SULF2: variants seen among roughly 807,000 people sequenced by gnomAD.
The protein encoded by SULF2 is extracellular sulfatase Sulf-2.
Under a neutral mutation model 107.7 loss-of-function variants are expected in SULF2, and 52 were observed. That is an observed-to-expected ratio of 0.48 (90% CI 0.39 to 0.61). SULF2 has a LOEUF of 0.61. SULF2 is among the 20% of genes least tolerant of loss of function. The pLI is 0.00. For missense variants in SULF2, 993 were observed against 1,177.3 expected (o/e 0.84, Z 2.29); for synonymous variants, 460 against 464.3 (o/e 0.99, Z 0.12).
chr20:47,710,084 T>C (rs2088878495), intron 3 of SULF2, among the ~76,000 whole-genome samples: 1 of 152,112 alleles, frequency 6.6e-6, no homozygotes, highest in Admixed American at 6.6e-5. Flanking sequence ...TAATTTTTAG[T>C]AGAGACCAGG....
intron 3 of SULF2, among the ~76,000 whole-genome samples, chr20:47,703,190 C>T (rs1287655278): frequency 1.3e-5 from 2 of 152,218 alleles, no homozygotes; most frequent in Non-Finnish European, 2.9e-5. Context: ...AGCCACCATA[C>T]CTGGCCTACT....
chr20:47,753,017 C>T (rs768535472), intron 2 of SULF2, among the ~76,000 whole-genome samples: 10 of 146,128 alleles, frequency 6.8e-5, no homozygotes, highest in Admixed American at 3.5e-4. Flanking sequence ...AGGAGAATCA[C>T]GTGAACCCAG....
chr20:47,670,371 T>G (rs1282696249), intron 11 of SULF2, among the ~76,000 whole-genome samples: 1 of 151,610 alleles, frequency 6.6e-6, no homozygotes, highest in Non-Finnish European at 1.5e-5. Context: ...TTTTGTATTT[T>G]TAGTAGACAC....
intron 3 of SULF2, among the ~76,000 whole-genome samples, chr20:47,716,044 C>CTTTA (rs2089110103): frequency 6.6e-6 from 1 of 152,086 alleles, no homozygotes; most frequent in Admixed American, 6.6e-5. Flanking sequence ...TGTGGATGTG[C>CTTTA]TTTATAAAAC....
At chr20:47,659,786 C>G (rs1433173715) in intron 18 of SULF2, 56 bp from the exon 19 acceptor site, 16 of 1,337,114 alleles carry the variant, frequency 1.2e-5, no homozygotes, top group Non-Finnish European at 1.7e-5. Context: ...GGCAAAACAA[C>G]CCCAACACAC....
At chr20:47,769,203 C>T (rs1205473290) in intron 1 of SULF2, among the ~76,000 whole-genome samples, 2 of 152,038 alleles carry the variant, frequency 1.3e-5, no homozygotes, top group Admixed American at 1.3e-4. Context: ...ACCACGCCCG[C>T]TAATTTTTTT....
rs1264389232 is a variant in SULF2 at position 47,757,340 on chromosome 20, C to T, written c.24G>A (p.Leu8=). The stretch of plus-strand genomic sequence containing the variant: ...AGAACACAGTTGCGGACAGCAAGCA[C>T]AGCACGAGGCTCGGGGGGCCCATCT... MGPPSLV[L]CLLSATVFSL... The change falls in exon 2 of 21, where the codon CTG becomes CTA. Residue 8 remains leucine (L), a synonymous_variant. Coordinates refer to ENST00000688720, the MANE Select transcript of SULF2 (RefSeq NM_001387048.1). 4 of 1,600,206 alleles carry T rather than the reference C, an allele frequency of 2.5e-6. No homozygotes were observed. The highest frequency in any genetic ancestry group is 1.1e-5 in the South Asian group (1 of 88,784).
At chr20:47,782,203 C>T (rs1345626677) in intron 1 of SULF2, among the ~76,000 whole-genome samples, 2 of 152,204 alleles carry the variant, frequency 1.3e-5, no homozygotes, top group Non-Finnish European at 2.9e-5. Flanking sequence ...CTCTCCCTTC[C>T]GGTCCATTCA....
intron 1 of SULF2, among the ~76,000 whole-genome samples, chr20:47,779,200 T>C (rs1190351267): frequency 6.6e-6 from 1 of 152,224 alleles, no homozygotes; most frequent in African/African-American, 2.4e-5. Context: ...GGTCATCCCG[T>C]ACATTGCAGG....
At chr20:47,674,582 T>A (rs1198267550) in intron 10 of SULF2, among the ~76,000 whole-genome samples, 3 of 152,210 alleles carry the variant, frequency 2.0e-5, no homozygotes, top group Non-Finnish European at 4.4e-5. Flanking sequence ...ATGACATGAA[T>A]TCTAGCCGGG....
At chr20:47,675,123 C>G (rs960184107) in intron 10 of SULF2, among the ~76,000 whole-genome samples, 1 of 152,294 alleles carries the variant, frequency 6.6e-6, no homozygotes, top group East Asian at 1.9e-4. Context: ...GGGGAGACAT[C>G]AGAAAGAACC....
chr20:47,740,542 G>A (rs2089853068), intron 2 of SULF2, among the ~76,000 whole-genome samples: 1 of 152,170 alleles, frequency 6.6e-6, no homozygotes, highest in Non-Finnish European at 1.5e-5. Flanking sequence ...GGAGCTCCAG[G>A]CAGGGGGTGG....
chr20:47,732,631 CAGG>C (rs67067765), intron 3 of SULF2, among the ~76,000 whole-genome samples: 37,772 of 151,956 alleles, frequency 0.25, 5,491 homozygotes, highest in Non-Finnish European at 0.34. Flanking sequence ...CGCTTGAGGT[CAGG>C]AGTTCGAGGT....
At chr20:47,785,263 G>C (rs1034626133) in intron 1 of SULF2, 80 bp downstream of exon 1, 2 of 148,120 alleles carry the variant, frequency 1.4e-5, no homozygotes, top group Admixed American at 1.3e-4. Context: ...GCTCACGCCG[G>C]GGAAGGCTCC....
At chr20:47,683,245 C>T (rs1245154440) in intron 6 of SULF2, 76 bp from the exon 7 acceptor site, 6 of 1,440,466 alleles carry the variant, frequency 4.2e-6, no homozygotes, top group Non-Finnish European at 5.6e-6. Context: ...GTGACAGGCG[C>T]TTGAGATCTC....
At chr20:47,777,721 C>T (rs75667476) in intron 1 of SULF2, among the ~76,000 whole-genome samples, 54 of 152,234 alleles carry the variant, frequency 3.5e-4, no homozygotes, top group African/African-American at 1.3e-3. Flanking sequence ...AGATAAGTGG[C>T]CTGCAATCAG....
intron 2 of SULF2, among the ~76,000 whole-genome samples, chr20:47,745,365 T>G (rs2089980852): frequency 8.2e-6 from 1 of 122,638 alleles, no homozygotes; most frequent in Non-Finnish European, 1.6e-5. Flanking sequence ...TTCTCAGGGT[T>G]GTTCTGAGTT....
Position 47,774,552 on chromosome 20 carries a change from G to A in SULF2, c.-101+10791C>T, listed in dbSNP as rs371625303. 5.3e-5 allele frequency among the ~76,000 whole-genome samples: 8 copies of A among 152,226 alleles called. No homozygotes were observed. The East Asian group carries it at 1.3e-3, about 26-fold the overall frequency. On this transcript the variant is annotated intron_variant, in intron 1 of 20. Transcript: ENST00000688720. Reference sequence around the variant, plus strand: ...GAGAGAAGCTTCCAGACCCCCAGCAGCACCTGAGCTATGGGGCCCTGGAGC... The same window carrying A: ...GAGAGAAGCTTCCAGACCCCCAGCAACACCTGAGCTATGGGGCCCTGGAGC...
Position 47,680,393 on chromosome 20 carries a change from T to C in SULF2, c.1065-1589A>G, listed in dbSNP as rs1353085959. ...GCTGGGATTACAGGCATGAGCCACC[T>C]CTCCTGGCTCTTGTTTCTGGCTGAT... On this transcript the variant is annotated intron_variant, in intron 7 of 20. Transcript: ENST00000688720. This position sits in a 1 kb window ranked among gnomAD's most constrained non-coding sequence, Gnocchi z 4.2. Among the ~76,000 whole-genome samples the C allele has an allele frequency of 6.6e-6, 1 of 152,204 alleles. No homozygotes were observed. Among genetic ancestry groups the C allele is most frequent in the Non-Finnish European group, 1.5e-5 (1 of 68,028 alleles).
Sources: allele counts gnomAD v4.1 joint callset (sites outside exome capture counted in the v4.1 genomes callset), GRCh38; gene constraint gnomAD v4.1.1; non-coding constraint Gnocchi (gnomAD v3.1); transcripts MANE v1.5; gene names NCBI Gene and HGNC (gene_info 2026-07-23, HGNC 2026-07-21).